The following ANKRD17 variants were observed in gnomAD, a reference collection of about 807,000 sequenced individuals.
ANKRD17 encodes ankyrin repeat domain 17.
In ANKRD17, 19 loss-of-function variants were observed where a neutral mutation model predicts 229.7. The ratio of observed to expected loss-of-function variants is 0.08; its 90% CI spans 0.06 to 0.12. The LOEUF (loss-of-function observed/expected upper bound fraction) is 0.12, where lower values mean the gene tolerates loss of function less well. ANKRD17 is among the 10% of genes least tolerant of loss of function. ANKRD17 has a pLI of 1.00. For synonymous variants in ANKRD17, 1,112 were observed against 1,146.1 expected (o/e 0.97, Z 0.60); for missense variants, 2,176 against 3,176.8 (o/e 0.68, Z 7.57).
At chr4:73,169,348 T>G (rs775170828) in intron 2 of ANKRD17, among the ~76,000 whole-genome samples, 1 of 152,088 alleles carries the variant, frequency 6.6e-6, no homozygotes, top group African/African-American at 2.4e-5. Context: ...ATGGTTTGAG[T>G]GCCAGCTAAG....
At chr4:73,124,600 C>A (rs375351752) in intron 18 of ANKRD17, among the ~76,000 whole-genome samples, 1 of 152,144 alleles carries the variant, frequency 6.6e-6, no homozygotes, top group African/African-American at 2.4e-5. Context: ...TACTATAGGG[C>A]AGGCAAAGAT....
At chr4:73,170,869 A>C (rs113187645) in intron 2 of ANKRD17, among the ~76,000 whole-genome samples, 2,906 of 152,214 alleles carry the variant, frequency 0.019, 95 homozygotes, top group African/African-American at 0.066. Flanking sequence ...GACCCTCATT[A>C]GATAGATTTC....
At chr4:73,145,351 AT>A (rs1730130981) in intron 10 of ANKRD17, among the ~76,000 whole-genome samples, 1 of 152,160 alleles carries the variant, frequency 6.6e-6, no homozygotes, top group Non-Finnish European at 1.5e-5. Context: ...TACAAAAATG[AT>A]AACAAACTTT....
At chr4:73,170,315 C>T (rs1222967532) in intron 2 of ANKRD17, among the ~76,000 whole-genome samples, 1 of 152,096 alleles carries the variant, frequency 6.6e-6, no homozygotes, top group African/African-American at 2.4e-5. Context: ...TTTCTACACA[C>T]ACCCTGTGCC....
At position 73,098,635 on chromosome 4, in the gene ANKRD17, T is replaced by C. The variant is rs1723582513; in HGVS notation, c.4574-115A>G. 7.0e-6 allele frequency: 7 copies of C among 1,003,150 alleles called. No individual in the cohort carries two copies. In the Admixed American group the frequency reaches 7.8e-5, roughly 11 times the overall value. 62.1% of individuals were successfully genotyped at this position (1,003,150 alleles called of 1,614,324 possible). On this transcript the variant is annotated intron_variant, in intron 25 of 33. Transcript: ENST00000358602. ...AGAGATACTCTACTACTATTAGCCA[T>C]GTAAGTTATTCTCACATTCATCGGT...
At chr4:73,148,253 C>T (rs1578192081) in intron 8 of ANKRD17, among the ~76,000 whole-genome samples, 1 of 152,232 alleles carries the variant, frequency 6.6e-6, no homozygotes, top group South Asian at 2.1e-4. Flanking sequence ...AAAATAAAAT[C>T]ACACTACAAA....
At chr4:73,177,315 CTTTTATTAGA>C (rs1441487571) in intron 2 of ANKRD17, 55 bp downstream of exon 2, 10 of 1,365,682 alleles carry the variant, frequency 7.3e-6, no homozygotes, top group Non-Finnish European at 8.7e-6. Context: ...TTAACAAGAG[CTTTTATTAGA>C]TTGATGTGCA....
At chr4:73,179,512 ATATATATT>A (rs1328081818) in intron 1 of ANKRD17, among the ~76,000 whole-genome samples, 19 of 70,554 alleles carry the variant, frequency 2.7e-4, no homozygotes, top group African/African-American at 4.0e-4. Flanking sequence ...ATATATATAT[ATATATATT>A]TTTTTTTTTT....
At chr4:73,179,862 G>C (rs190794481) in intron 1 of ANKRD17, among the ~76,000 whole-genome samples, 81 of 151,994 alleles carry the variant, frequency 5.3e-4, no homozygotes, top group African/African-American at 1.9e-3. Context: ...AAATTTTTGG[G>C]CACAGCAAAG....
At chr4:73,093,969 A>T in intron 28 of ANKRD17, 110 bp downstream of exon 28, 1 of 1,038,394 alleles carries the variant, frequency 9.6e-7, no homozygotes, top group Non-Finnish European at 1.4e-6. Context: ...TTCCCATTTT[A>T]AAAAGTATAC....
chr4:73,101,592 G>A (rs1723992108), intron 25 of ANKRD17, among the ~76,000 whole-genome samples: 1 of 146,940 alleles, frequency 6.8e-6, no homozygotes, highest in African/African-American at 2.5e-5. Flanking sequence ...TTGAACCCGG[G>A]AAACGGAGGT....
chr4:73,113,990 G>C, intron 23 of ANKRD17, 82 bp from the exon 24 acceptor site: 1 of 978,012 alleles, frequency 1.0e-6, no homozygotes, highest in Non-Finnish European at 1.6e-6. Flanking sequence ...AAGATCTTTA[G>C]TAAGGTACTC....
intron 2 of ANKRD17, among the ~76,000 whole-genome samples, chr4:73,167,995 A>G (rs1047655497): frequency 3.5e-4 from 53 of 152,078 alleles, no homozygotes; most frequent in African/African-American, 1.3e-3. Flanking sequence ...TACTAAAAAT[A>G]CAAAAAATTA....
chr4:73,204,679 C>T (rs867183520), intron 1 of ANKRD17, among the ~76,000 whole-genome samples: 59 of 151,970 alleles, frequency 3.9e-4, no homozygotes, highest in African/African-American at 1.3e-3. Flanking sequence ...TCTATTCTGG[C>T]GATTCACAAC....
intron 24 of ANKRD17, among the ~76,000 whole-genome samples, chr4:73,109,030 G>A (rs1487083402): frequency 6.6e-6 from 1 of 152,192 alleles, no homozygotes; most frequent in Non-Finnish European, 1.5e-5. Context: ...TGGGCATGAT[G>A]GCTCACGCCT....
intron 1 of ANKRD17, among the ~76,000 whole-genome samples, chr4:73,202,848 C>T (rs892573990): frequency 2.0e-5 from 3 of 152,100 alleles, no homozygotes; most frequent in Non-Finnish European, 4.4e-5. Flanking sequence ...AAAAGGTAAA[C>T]AGAAACAGAT....
At chr4:73,224,838 C>A (rs1440483277) in intron 1 of ANKRD17, among the ~76,000 whole-genome samples, 1 of 152,186 alleles carries the variant, frequency 6.6e-6, no homozygotes, top group Non-Finnish European at 1.5e-5. Flanking sequence ...TTGCACCAGA[C>A]TGGAGTCCAT....
intron 1 of ANKRD17, among the ~76,000 whole-genome samples, chr4:73,243,568 C>T (rs1744230715): frequency 6.6e-6 from 1 of 152,140 alleles, no homozygotes; most frequent in African/African-American, 2.4e-5. Flanking sequence ...ATGACCAAAG[C>T]TTGGCCCACA....
At chr4:73,178,113 A>G (rs13119179) in intron 1 of ANKRD17, among the ~76,000 whole-genome samples, 19,724 of 152,196 alleles carry the variant, frequency 0.13, 1,714 homozygotes, top group East Asian at 0.28. Context: ...TTTGCTTCAA[A>G]GCTTAACTTT....
Sources: gnomAD v4.1 joint callset for allele counts (sites outside exome capture counted in the v4.1 genomes callset) on GRCh38, gnomAD v4.1.1 for gene constraint, MANE v1.5 for transcripts, NCBI Gene and HGNC (gene_info 2026-07-23, HGNC 2026-07-21) for gene names.